Variants in ULK4 observed in about 807,000 individuals in gnomAD.
The protein encoded by ULK4 is unc-51 like kinase 4.
ULK4 carries 133 observed loss-of-function variants against 160.6 expected under a neutral mutation model. The ratio of observed to expected loss-of-function variants is 0.83; its 90% CI spans 0.72 to 0.96. The LOEUF is 0.96. Ranked by LOEUF, ULK4 falls within the 40% of genes least tolerant of loss-of-function variation. The pLI is 0.00. For missense variants in ULK4, 1,580 were observed against 1,499.5 expected, an observed-to-expected ratio of 1.05 and a Z score of -0.89; for synonymous variants, 534 against 539.8, an observed-to-expected ratio of 0.99 and a Z score of 0.15.
intron 35 of ULK4, among the ~76,000 whole-genome samples, chr3:41,363,222 C>T (rs766440835): frequency 1.3e-5 from 2 of 152,232 alleles, no homozygotes; most frequent in Non-Finnish European, 2.9e-5. Flanking sequence ...GGCAATGGTC[C>T]TCTGGTCCCC....
intron 17 of ULK4, chr3:41,859,468 G>A: frequency 1.8e-6 from 1 of 550,612 alleles, no homozygotes; most frequent in Admixed American, 1.9e-5. Context: ...ACCTGGACAG[G>A]TCACCAATAT....
At chr3:41,842,046 T>C (rs1036115735) in intron 17 of ULK4, among the ~76,000 whole-genome samples, 6 of 151,558 alleles carry the variant, frequency 4.0e-5, no homozygotes, top group Non-Finnish European at 7.4e-5. Context: ...AGACCTTTGT[T>C]CACGTGTTTA....
Position 41,705,155 on chromosome 3 carries a change from G to C in ULK4, c.2687-4C>G. 1 of 1,612,154 alleles carries C rather than the reference G, an allele frequency of 6.2e-7. No individual in the cohort carries two copies. The highest frequency in any genetic ancestry group is 2.2e-5 in the East Asian group (1 of 44,836). ...AATTCTTCTGATGCTGTCAGTCCTA[G>C]AAATACAGTTAATTATTATAGGTGT... On this transcript the variant is annotated splice_region_variant and splice_polypyrimidine_tract_variant and intron_variant, in intron 26 of 36. Coordinates refer to ENST00000301831, the MANE Select transcript of ULK4 (RefSeq NM_017886.4).
rs188129437 is a variant in ULK4 at position 41,280,287 on chromosome 3, C to T, written c.3679-30713G>A. 2.6e-4 allele frequency among the ~76,000 whole-genome samples: 40 copies of T among 152,310 alleles called. 1 individual carries two copies. The highest frequency in any genetic ancestry group is 2.5e-3 in the Admixed American group (38 of 15,294). ...TTAACAAGGATATCCAGGACTTGAA[C>T]TCAGCTCTGCACCAAGTGGACCTAA... On this transcript the variant is annotated intron_variant, in intron 35 of 36. Transcript: ENST00000301831.
At chr3:41,805,561 C>G (rs2040616301) in intron 19 of ULK4, among the ~76,000 whole-genome samples, 1 of 151,008 alleles carries the variant, frequency 6.6e-6, no homozygotes, top group South Asian at 2.1e-4. Context: ...TGTCTTGTGC[C>G]AGTTTTCAAA....
intron 35 of ULK4, among the ~76,000 whole-genome samples, chr3:41,263,810 A>G (rs1442152436): frequency 6.6e-6 from 1 of 152,200 alleles, no homozygotes; most frequent in African/African-American, 2.4e-5. Flanking sequence ...GCAACTGTAA[A>G]GGATCCTACA....
chr3:41,456,998 A>T lies in ULK4; in HGVS notation c.3394-1403T>A, dbSNP rs556295790. 2.6e-5 allele frequency among the ~76,000 whole-genome samples: 4 copies of T among 152,316 alleles called. No homozygotes were observed. The East Asian group carries it at 5.8e-4, about 22-fold the overall frequency. Reference sequence around the variant, plus strand: ...ATCATTAGCTCGGAGCTTCCCTCTCACTTCCCTGACTAACTTTATCGGAAA... The same window carrying T: ...ATCATTAGCTCGGAGCTTCCCTCTCTCTTCCCTGACTAACTTTATCGGAAA... On this transcript the variant is annotated intron_variant, in intron 33 of 36. Coordinates refer to ENST00000301831, the MANE Select transcript of ULK4 (RefSeq NM_017886.4).
At chr3:41,852,980 T>A (rs866730404) in intron 17 of ULK4, among the ~76,000 whole-genome samples, 2 of 152,262 alleles carry the variant, frequency 1.3e-5, no homozygotes, top group Non-Finnish European at 1.5e-5. Context: ...CAGCTCACAT[T>A]CACAATGACT....
At chr3:41,693,133 T>C (rs949678777) in intron 27 of ULK4, among the ~76,000 whole-genome samples, 1 of 152,194 alleles carries the variant, frequency 6.6e-6, no homozygotes, top group South Asian at 2.1e-4. Context: ...TAAACAGCTA[T>C]AAAAATGTTA....
chr3:41,732,431 T>C (rs1045608365), intron 22 of ULK4, among the ~76,000 whole-genome samples: 2 of 152,012 alleles, frequency 1.3e-5, no homozygotes, highest in Admixed American at 6.6e-5. Context: ...TCACCCCAGT[T>C]AGAGTGGCTA....
intron 35 of ULK4, among the ~76,000 whole-genome samples, chr3:41,312,235 G>T (rs899265992): frequency 2.2e-4 from 34 of 151,994 alleles, no homozygotes; most frequent in African/African-American, 3.6e-4. Flanking sequence ...TCAGTTTCTT[G>T]AGTAGCTGAG....
At chr3:41,550,344 C>T (rs189310810) in intron 32 of ULK4, among the ~76,000 whole-genome samples, 1 of 151,986 alleles carries the variant, frequency 6.6e-6, no homozygotes, top group Admixed American at 6.6e-5. Flanking sequence ...AAGGTATAGA[C>T]TAGCTGAGTG....
intron 35 of ULK4, among the ~76,000 whole-genome samples, chr3:41,337,885 G>T (rs2080597046): frequency 6.6e-6 from 1 of 152,092 alleles, no homozygotes. Context: ...CTGCATCAGG[G>T]GATAGGCTGG....
intron 34 of ULK4, among the ~76,000 whole-genome samples, chr3:41,416,006 G>T (rs1559584271): frequency 6.6e-6 from 1 of 152,146 alleles, no homozygotes; most frequent in Admixed American, 6.5e-5. Context: ...CTTTCATAAA[G>T]TAACTCCCCT....
At chr3:41,423,866 A>G (rs540921575) in intron 34 of ULK4, among the ~76,000 whole-genome samples, 3 of 152,268 alleles carry the variant, frequency 2.0e-5, no homozygotes, top group East Asian at 3.9e-4. Context: ...GATCTATGCG[A>G]CCCACAGATC....
intron 32 of ULK4, among the ~76,000 whole-genome samples, chr3:41,491,674 T>G (rs1326280459): frequency 7.1e-6 from 1 of 140,782 alleles, no homozygotes; most frequent in East Asian, 2.0e-4. Flanking sequence ...TCCATAAAAT[T>G]AATAGGAAAA....
At chr3:41,394,201 AG>A (rs2082010107) in intron 35 of ULK4, among the ~76,000 whole-genome samples, 8 of 152,164 alleles carry the variant, frequency 5.3e-5, no homozygotes, top group Admixed American at 5.2e-4. Context: ...TGTAAAGATA[AG>A]AACAGAAAGT....
chr3:41,353,156 T>C (rs896431873), intron 35 of ULK4, among the ~76,000 whole-genome samples: 6 of 152,172 alleles, frequency 3.9e-5, no homozygotes, highest in African/African-American at 1.2e-4. Flanking sequence ...TAAGCTTTGG[T>C]ACCCGTTGCT....
chr3:41,449,307 C>T (rs2125865424), intron 34 of ULK4, among the ~76,000 whole-genome samples: 1 of 152,252 alleles, frequency 6.6e-6, no homozygotes, highest in South Asian at 2.1e-4. Flanking sequence ...AAGCGATCCT[C>T]TTGCCTTGGC....
Sources: allele counts gnomAD v4.1 joint callset (sites outside exome capture counted in the v4.1 genomes callset), GRCh38; gene constraint gnomAD v4.1.1; transcripts MANE v1.5; gene names NCBI Gene and HGNC (gene_info 2026-07-23, HGNC 2026-07-21).